The following CCDC125 variants were observed in gnomAD, a reference collection of about 807,000 sequenced individuals.
CCDC125 encodes coiled-coil domain-containing protein 125.
Under a neutral mutation model 57.4 loss-of-function variants are expected in CCDC125, and 43 were observed. That is an observed-to-expected ratio of 0.75 (90% CI 0.59 to 0.97). The LOEUF is 0.97. Among genes scored for constraint, CCDC125 ranks in the 50% least tolerant of loss-of-function variants. The pLI is 0.00. For synonymous variants in CCDC125, 187 were observed against 195.2 expected, an observed-to-expected ratio of 0.96 and a Z score of 0.35; for missense variants, 563 against 595.7, an observed-to-expected ratio of 0.95 and a Z score of 0.57.
At position 69,294,143 on chromosome 5, in the gene CCDC125, A is replaced by C. The variant is rs528474701; in HGVS notation, c.924+650T>G. On this transcript the variant is annotated intron_variant, in intron 9 of 11. Transcript: ENST00000396496. ...TACATTCCATGCTTATCTCTCCATT[A>C]ATCAGTGTTGCTGATCCTAGTGATT... is the stretch of plus-strand genomic sequence containing the variant. The C allele has an allele frequency of 3.0e-6, 3 of 984,244 alleles. No individual in the cohort carries two copies. The East Asian group carries it at 3.4e-4, about 112-fold the overall frequency. 61.0% of individuals were successfully genotyped at this position (984,244 alleles called of 1,614,324 possible). A position where few individuals can be genotyped will look rare whatever the true frequency, so the allele number is the denominator to read the frequency against.
At chr5:69,276,426 G>A (rs537648252), downstream of CCDC125, 4 of 812,130 alleles carry the variant, frequency 4.9e-6, no homozygotes, top group Non-Finnish European at 8.1e-6. Flanking sequence ...TGTTTTGTTG[G>A]GAATGAGGGC....
intron 3 of CCDC125, chr5:69,313,236 A>T: frequency 2.0e-6 from 1 of 490,432 alleles, no homozygotes; most frequent in Non-Finnish European, 3.7e-6. Context: ...CTGTTTGGCA[A>T]CTGGGGTGAA....
intron 8 of CCDC125, 62 bp from the exon 9 acceptor site, chr5:69,294,962 C>A: frequency 7.1e-7 from 1 of 1,414,414 alleles, no homozygotes; most frequent in Non-Finnish European, 9.9e-7. Context: ...TGCACACAAA[C>A]ACAGGGGCAT....
At chr5:69,279,476 G>A (rs931724248), downstream of CCDC125, among the ~76,000 whole-genome samples, 10 of 152,280 alleles carry the variant, frequency 6.6e-5, no homozygotes, top group Middle Eastern at 3.4e-3. Context: ...GATTACAGGC[G>A]TGAGCCACCG....
At chr5:69,274,393 G>C in the CCDC125 span, among the ~76,000 whole-genome samples, 2 of 152,158 alleles carry the variant, frequency 1.3e-5, no homozygotes, top group Non-Finnish European at 2.9e-5. Flanking sequence ...CCAGCACTTT[G>C]GGAGGTGAAG....
intron 2 of CCDC125, among the ~76,000 whole-genome samples, chr5:69,317,425 T>C (rs1406711795): frequency 6.6e-6 from 1 of 152,198 alleles, no homozygotes; most frequent in Non-Finnish European, 1.5e-5. Context: ...ATAAAAATAA[T>C]CCCATTCTGA....
At chr5:69,296,930 C>T (rs1204890300) in intron 8 of CCDC125, among the ~76,000 whole-genome samples, 1 of 152,234 alleles carries the variant, frequency 6.6e-6, no homozygotes, top group African/African-American at 2.4e-5. Flanking sequence ...CACCATTGTA[C>T]TCCAGCCTGG....
chr5:69,299,668 T>C (rs2150407577), intron 8 of CCDC125, among the ~76,000 whole-genome samples: 1 of 152,306 alleles, frequency 6.6e-6, no homozygotes. Context: ...CTCACAAGAC[T>C]CCGATGAAGA....
At chr5:69,288,948 CT>C (rs1753962473) in intron 10 of CCDC125, among the ~76,000 whole-genome samples, 1 of 152,196 alleles carries the variant, frequency 6.6e-6, no homozygotes, top group Non-Finnish European at 1.5e-5. Flanking sequence ...TTGGTTTCCC[CT>C]GTCTCTTACA....
intron 1 of CCDC125, among the ~76,000 whole-genome samples, chr5:69,328,328 CA>C (rs892593481): frequency 3.9e-4 from 59 of 151,978 alleles, no homozygotes; most frequent in Admixed American, 9.8e-4. Context: ...ATATGTTGAA[CA>C]ATAAAGAAAT....
chr5:69,315,811 T>G (rs1277547576), intron 2 of CCDC125, among the ~76,000 whole-genome samples: 1 of 151,124 alleles, frequency 6.6e-6, no homozygotes, highest in Non-Finnish European at 1.5e-5. Flanking sequence ...TTAATTTCTT[T>G]CCAAAAAGAA....
intron 10 of CCDC125, among the ~76,000 whole-genome samples, chr5:69,285,759 A>G (rs1753237659): frequency 6.6e-6 from 1 of 152,178 alleles, no homozygotes; most frequent in African/African-American, 2.4e-5. Context: ...AGAAATGCAG[A>G]TCTGTCATGA....
At chr5:69,316,536 C>A (rs1414389471) in intron 2 of CCDC125, among the ~76,000 whole-genome samples, 1 of 152,184 alleles carries the variant, frequency 6.6e-6, no homozygotes, top group Non-Finnish European at 1.5e-5. Context: ...CCTGCCAACA[C>A]CCTGGCTTTA....
chr5:69,302,281 G>T (rs1290820531), intron 7 of CCDC125, among the ~76,000 whole-genome samples: 3 of 150,856 alleles, frequency 2.0e-5, no homozygotes, highest in Admixed American at 6.6e-5. Flanking sequence ...AATTAGCCAG[G>T]TGTGGTGGCA....
chr5:69,283,520 A>T (rs1378150895), intron 11 of CCDC125, among the ~76,000 whole-genome samples: 2 of 134,690 alleles, frequency 1.5e-5, no homozygotes, highest in African/African-American at 5.6e-5. Context: ...GTGCCCGGCC[A>T]ATTCTTTTTT....
intron 2 of CCDC125, among the ~76,000 whole-genome samples, chr5:69,319,996 C>T (rs1759759491): frequency 6.6e-6 from 1 of 151,958 alleles, no homozygotes; most frequent in Non-Finnish European, 1.5e-5. Flanking sequence ...TGGTGCATGC[C>T]TGTAATCCCA....
chr5:69,303,971 T>A (rs750373258), intron 6 of CCDC125, 42 bp from the exon 7 acceptor site: 6 of 1,103,494 alleles, frequency 5.4e-6, no homozygotes, highest in Middle Eastern at 2.1e-4. Flanking sequence ...CATTAATATT[T>A]CCTTGCTGAG....
At chr5:69,274,391 T>C in the CCDC125 span, among the ~76,000 whole-genome samples, 2 of 152,136 alleles carry the variant, frequency 1.3e-5, no homozygotes, top group Admixed American at 6.5e-5. Flanking sequence ...TCCCAGCACT[T>C]TGGGAGGTGA....
chr5:69,307,498 T>A (rs6886321), intron 5 of CCDC125, among the ~76,000 whole-genome samples: 1 of 151,782 alleles, frequency 6.6e-6, no homozygotes, highest in Non-Finnish European at 1.5e-5. Flanking sequence ...CTGGTTAACA[T>A]GGTGAAATCC....
Sources: gnomAD v4.1 joint callset for allele counts (sites outside exome capture counted in the v4.1 genomes callset) on GRCh38, gnomAD v4.1.1 for gene constraint, MANE v1.5 for transcripts, NCBI Gene and HGNC (gene_info 2026-07-23, HGNC 2026-07-21) for gene names.